CCDC3: variants seen among roughly 807,000 people sequenced by gnomAD.
CCDC3 encodes the protein coiled-coil domain-containing protein 3.
CCDC3 carries 24 observed loss-of-function variants against 21.4 expected under a neutral mutation model. That is an observed-to-expected ratio of 1.12 (90% CI 0.81 to 1.58). The LOEUF (loss-of-function observed/expected upper bound fraction) is 1.58. Ranked by LOEUF, CCDC3 falls within the 40% of genes most tolerant of loss-of-function variation. CCDC3 has a pLI of 0.00. For missense variants in CCDC3, 425 were observed against 360.9 expected, an observed-to-expected ratio of 1.18 and a Z score of -1.44; for synonymous variants, 186 against 166.0, an observed-to-expected ratio of 1.12 and a Z score of -0.93.
intron 2 of CCDC3, among the ~76,000 whole-genome samples, chr10:12,933,499 G>A (rs548040917): frequency 3.4e-5 from 5 of 145,640 alleles, no homozygotes; most frequent in African/African-American, 1.3e-4. Flanking sequence ...CTGTTGCCCA[G>A]AGCGACCCAG....
chr10:12,977,920 AGGCCCG>A (rs911180712), intron 2 of CCDC3, among the ~76,000 whole-genome samples: 3 of 152,136 alleles, frequency 2.0e-5, no homozygotes, highest in African/African-American at 7.2e-5. Flanking sequence ...ACCAGAACTC[AGGCCCG>A]GGCTTGTGCG....
At chr10:13,082,792 CTATCTCTG>C (rs56405870) in intron 3 of CCDC3, among the ~76,000 whole-genome samples, 144,778 of 152,006 alleles carry the variant, frequency 0.95, 69,274 homozygotes, top group Non-Finnish European at 1. Context: ...CCTTCAGCTC[CTATCTCTG>C]TATGGCCTGG....
At chr10:13,063,232 CCT>C (rs1836782346) in intron 4 of CCDC3, among the ~76,000 whole-genome samples, 2 of 43,928 alleles carry the variant, frequency 4.6e-5, no homozygotes, top group South Asian at 1.4e-3. Context: ...TTGCAGTTCC[CCT>C]GTCTTGATTT....
chr10:13,054,534 T>G (rs183638294), intron 4 of CCDC3, among the ~76,000 whole-genome samples: 167 of 152,286 alleles, frequency 1.1e-3, no homozygotes, highest in African/African-American at 3.7e-3. Context: ...GGGTACCCCC[T>G]GGCCTAACAG....
At chr10:12,975,919 C>T (rs930478577) in intron 2 of CCDC3, among the ~76,000 whole-genome samples, 1 of 152,156 alleles carries the variant, frequency 6.6e-6, no homozygotes, top group Non-Finnish European at 1.5e-5. Context: ...CCAGCCAAGA[C>T]CCTGGCTCCA....
At chr10:12,964,190 T>C (rs1189485741) in intron 2 of CCDC3, among the ~76,000 whole-genome samples, 2 of 151,994 alleles carry the variant, frequency 1.3e-5, no homozygotes, top group Non-Finnish European at 2.9e-5. Flanking sequence ...CTAACCAACA[T>C]GGAGAAACCC....
chr10:13,032,156 C>T (rs1237929994), intron 5 of CCDC3, among the ~76,000 whole-genome samples: 5 of 139,894 alleles, frequency 3.6e-5, no homozygotes, highest in Middle Eastern at 6.7e-3. Flanking sequence ...ATCAAATTGG[C>T]TTCATCCCTG....
intron 3 of CCDC3, among the ~76,000 whole-genome samples, chr10:13,084,769 T>G (rs1837082364): frequency 6.6e-6 from 1 of 151,952 alleles, no homozygotes; most frequent in Non-Finnish European, 1.5e-5. Flanking sequence ...ATTACAGAGG[T>G]CTGAAGATGT....
chr10:13,074,596 G>A (rs1836937869), intron 3 of CCDC3, among the ~76,000 whole-genome samples: 2 of 148,868 alleles, frequency 1.3e-5, no homozygotes, highest in Non-Finnish European at 1.5e-5. Flanking sequence ...CACTCCCTCA[G>A]CTTTTATAGA....
chr10:12,986,115 T>C (rs1835586680), intron 2 of CCDC3, among the ~76,000 whole-genome samples: 3 of 152,328 alleles, frequency 2.0e-5, no homozygotes, highest in South Asian at 4.1e-4. Flanking sequence ...GTTTTACACA[T>C]GTACATAAAT....
chr10:13,085,412 A>G (rs1024813051), intron 3 of CCDC3, among the ~76,000 whole-genome samples: 2 of 152,212 alleles, frequency 1.3e-5, no homozygotes, highest in Admixed American at 6.5e-5. Context: ...ACCCTGTTAC[A>G]TGCCCATTGA....
intron 4 of CCDC3, among the ~76,000 whole-genome samples, chr10:13,069,810 T>C (rs1278797648): frequency 6.6e-6 from 1 of 152,260 alleles, no homozygotes; most frequent in African/African-American, 2.4e-5. Flanking sequence ...ATTAAGTTAT[T>C]GTAAACCACG....
intron 2 of CCDC3, among the ~76,000 whole-genome samples, chr10:12,962,876 T>C (rs1835200898): frequency 6.6e-6 from 1 of 152,188 alleles, no homozygotes; most frequent in African/African-American, 2.4e-5. Context: ...AGGAAGCCAA[T>C]TTTCTTCTTT....
intron 1 of CCDC3, 134 bp from the exon 2 acceptor site, chr10:12,998,646 T>C (rs545526104): frequency 2.8e-6 from 2 of 721,310 alleles, no homozygotes; most frequent in East Asian, 5.3e-5. Flanking sequence ...ATTAGAGGAG[T>C]TACTACTTCT....
chr10:13,056,600 C>T (rs145720579), intron 4 of CCDC3, among the ~76,000 whole-genome samples: 13 of 152,278 alleles, frequency 8.5e-5, no homozygotes, highest in African/African-American at 2.6e-4. Flanking sequence ...GAATGCATTT[C>T]CCCCAACTTT....
chr10:12,925,978 T>C (rs1387633344), intron 2 of CCDC3, among the ~76,000 whole-genome samples: 1 of 152,148 alleles, frequency 6.6e-6, no homozygotes, highest in Non-Finnish European at 1.5e-5. Flanking sequence ...AAGGCAGAAT[T>C]TGTAGGGGCA....
At chr10:12,979,368 A>G (rs1028179512) in intron 2 of CCDC3, among the ~76,000 whole-genome samples, 2 of 151,462 alleles carry the variant, frequency 1.3e-5, no homozygotes, top group Admixed American at 6.6e-5. Context: ...TTCCCTTTCA[A>G]ATACAGAAGC....
chr10:13,029,571 G>T lies in CCDC3; in HGVS notation c.-2+20103C>A, dbSNP rs1836271425. Among the ~76,000 whole-genome samples, 3 of 152,218 alleles carry T rather than the reference G, an allele frequency of 2.0e-5. No homozygotes were observed. The South Asian group carries it at 6.2e-4, about 32-fold the overall frequency. On this transcript the variant is annotated intron_variant, in intron 5 of 6. Transcript: ENST00000378839. ...CTAAAGGAGGATGTCCGAACCCATC[G>T]CAAAGAAGCTAAAAACCATGAAGAA...
intron 2 of CCDC3, among the ~76,000 whole-genome samples, chr10:12,996,552 T>C (rs1159779278): frequency 6.6e-5 from 10 of 152,158 alleles, no homozygotes; most frequent in Non-Finnish European, 5.9e-5. Flanking sequence ...GCCAGGCTGG[T>C]CTTGAACTCC....
Sources: allele counts gnomAD v4.1 joint callset (sites outside exome capture counted in the v4.1 genomes callset), GRCh38; gene constraint gnomAD v4.1.1; transcripts MANE v1.5; gene names NCBI Gene and HGNC (gene_info 2026-07-23, HGNC 2026-07-21).